The following RSRC1 variants were observed in gnomAD, a reference collection of about 807,000 sequenced individuals.
RSRC1 encodes the protein serine/Arginine-related protein 53.
In RSRC1, 39 loss-of-function variants were observed where a neutral mutation model predicts 49.1. The observed-to-expected ratio is 0.79, with a 90% CI of 0.61 to 1.04. RSRC1 has a LOEUF of 1.04. Among genes scored for constraint, RSRC1 ranks in the 50% least tolerant of loss-of-function variants. The probability of loss-of-function intolerance (pLI) is 0.00; values close to 1 mark genes in which losing one functional copy is unlikely to be tolerated. For synonymous variants in RSRC1, 143 were observed against 130.8 expected (o/e 1.09, Z -0.63); for missense variants, 388 against 402.4 (o/e 0.96, Z 0.31).
At chr3:158,457,740 G>GTTTTTTTT (rs762873924) in intron 6 of RSRC1, among the ~76,000 whole-genome samples, 2 of 78,776 alleles carry the variant, frequency 2.5e-5, no homozygotes, top group Non-Finnish European at 5.4e-5. Context: ...GTTTTTTTTT[G>GTTTTTTTT]TTTTTTTTTT....
At chr3:158,195,848 T>C (rs1324459371) in intron 3 of RSRC1, among the ~76,000 whole-genome samples, 2 of 152,110 alleles carry the variant, frequency 1.3e-5, no homozygotes, top group South Asian at 2.1e-4. Flanking sequence ...TTCTGTTCCA[T>C]TGATCTATAT....
intron 5 of RSRC1, among the ~76,000 whole-genome samples, chr3:158,349,691 C>CTTTTTTTTTTTTTTTTTTT (rs775736592): frequency 1.3e-5 from 1 of 74,850 alleles, no homozygotes; most frequent in Non-Finnish European, 2.3e-5. Context: ...TCTTACTGCC[C>CTTTTTTTTTTTTTTTTTTT]TTTTTTTTTT....
At chr3:158,138,924 A>G (rs889505489) in intron 3 of RSRC1, among the ~76,000 whole-genome samples, 1 of 152,102 alleles carries the variant, frequency 6.6e-6, no homozygotes, top group Non-Finnish European at 1.5e-5. Context: ...ATAATTCCTT[A>G]ATTATTCTCT....
At chr3:158,346,737 T>G (rs958276133) in intron 5 of RSRC1, among the ~76,000 whole-genome samples, 2 of 152,202 alleles carry the variant, frequency 1.3e-5, no homozygotes, top group African/African-American at 4.8e-5. Flanking sequence ...AACATATATT[T>G]ACCATATGAC....
intron 3 of RSRC1, among the ~76,000 whole-genome samples, chr3:158,127,857 A>G (rs1399365614): frequency 6.9e-6 from 1 of 144,886 alleles, no homozygotes; most frequent in Non-Finnish European, 1.5e-5. Flanking sequence ...AAAGTCCTTC[A>G]CCAACCAGCT....
intron 4 of RSRC1, among the ~76,000 whole-genome samples, chr3:158,291,538 TA>T (rs1452723166): frequency 2.0e-5 from 3 of 152,190 alleles, no homozygotes; most frequent in Non-Finnish European, 2.9e-5. Context: ...AGTAAATCCA[TA>T]ATAGATTTTG....
chr3:158,496,741 G>C, intron 7 of RSRC1: 1 of 286,828 alleles, frequency 3.5e-6, no homozygotes, highest in Admixed American at 3.0e-5. Context: ...CATGTTGGTG[G>C]TGGCCCTTTG....
chr3:158,282,816 T>G (rs1726260076), intron 4 of RSRC1, among the ~76,000 whole-genome samples: 2 of 152,202 alleles, frequency 1.3e-5, no homozygotes, highest in Non-Finnish European at 2.9e-5. Context: ...AGTTACATAT[T>G]GGCAGAAAAT....
At chr3:158,492,223 G>C (rs552975563) in intron 7 of RSRC1, among the ~76,000 whole-genome samples, 44 of 152,258 alleles carry the variant, frequency 2.9e-4, no homozygotes, top group South Asian at 6.2e-4. Context: ...CTATGATTCA[G>C]TTACCTCCCA....
At chr3:158,170,666 A>C (rs891904768) in intron 3 of RSRC1, among the ~76,000 whole-genome samples, 1 of 152,190 alleles carries the variant, frequency 6.6e-6, no homozygotes, top group East Asian at 1.9e-4. Context: ...TCCCAGTTGT[A>C]GAATTGCACA....
chr3:158,404,169 A>G (rs1484722895), intron 6 of RSRC1, among the ~76,000 whole-genome samples: 1 of 151,850 alleles, frequency 6.6e-6, no homozygotes, highest in African/African-American at 2.4e-5. Flanking sequence ...TCAGAATTTC[A>G]TATTTGTTGC....
chr3:158,237,577 A>C (rs977386351), intron 4 of RSRC1, among the ~76,000 whole-genome samples: 1 of 152,164 alleles, frequency 6.6e-6, no homozygotes, highest in Non-Finnish European at 1.5e-5. Context: ...TTTTCTGACA[A>C]CTAATGATGT....
intron 7 of RSRC1, among the ~76,000 whole-genome samples, chr3:158,508,163 A>C (rs999045732): frequency 2.6e-5 from 4 of 152,128 alleles, no homozygotes; most frequent in African/African-American, 9.7e-5. Context: ...TTAGTCTTTC[A>C]ATGAGGATAG....
At chr3:158,136,359 T>C (rs940472742) in intron 3 of RSRC1, among the ~76,000 whole-genome samples, 15 of 152,246 alleles carry the variant, frequency 9.9e-5, no homozygotes, top group African/African-American at 3.4e-4. Context: ...AAAATAGTTA[T>C]AATTAAATCC....
intron 7 of RSRC1, among the ~76,000 whole-genome samples, chr3:158,477,000 A>G (rs191945597): frequency 2.6e-5 from 4 of 152,310 alleles, no homozygotes; most frequent in African/African-American, 9.6e-5. Flanking sequence ...GAGGGGCTCA[A>G]GACTTCAGTG....
chr3:158,500,225 A>G (rs1166068711), intron 7 of RSRC1, among the ~76,000 whole-genome samples: 1 of 152,144 alleles, frequency 6.6e-6, no homozygotes, highest in Non-Finnish European at 1.5e-5. Flanking sequence ...CTACTTCATC[A>G]TGGTGGGTTA....
chr3:158,256,088 C>T (rs868406143), intron 4 of RSRC1, among the ~76,000 whole-genome samples: 19 of 152,252 alleles, frequency 1.2e-4, no homozygotes, highest in South Asian at 4.1e-4. Context: ...GCCAGAACCT[C>T]CAACACTGTG....
At chr3:158,398,123 A>G (rs1217021604) in intron 6 of RSRC1, among the ~76,000 whole-genome samples, 3 of 152,158 alleles carry the variant, frequency 2.0e-5, no homozygotes, top group Admixed American at 2.0e-4. Flanking sequence ...AGATGGTATT[A>G]TGGAGGGGTA....
At chr3:158,284,668 G>A (rs12495881) in intron 4 of RSRC1, among the ~76,000 whole-genome samples, 13 of 149,984 alleles carry the variant, frequency 8.7e-5, no homozygotes, top group Non-Finnish European at 1.9e-4. Flanking sequence ...TTTTCATGTG[G>A]TTTTTGGCTG....
Sources: gnomAD v4.1 joint callset for allele counts (sites outside exome capture counted in the v4.1 genomes callset) on GRCh38, gnomAD v4.1.1 for gene constraint, MANE v1.5 for transcripts, NCBI Gene and HGNC (gene_info 2026-07-23, HGNC 2026-07-21) for gene names.